SLCO4C1: variants seen among roughly 807,000 people sequenced by gnomAD.
SLCO4C1 encodes the protein solute carrier organic anion transporter family member 4C1, also known as organic anion transporter M1.
A neutral mutation model predicts 72.1 loss-of-function variants in SLCO4C1; 58 were observed. The observed-to-expected ratio is 0.80, with a 90% CI of 0.65 to 1.00. SLCO4C1 has a LOEUF of 1.00. Among genes scored for constraint, SLCO4C1 ranks in the 50% least tolerant of loss-of-function variants. The pLI is 0.00. For missense variants in SLCO4C1, 898 were observed against 857.9 expected (o/e 1.05, Z -0.58); for synonymous variants, 297 against 312.5 (o/e 0.95, Z 0.52).
chr5:102,254,284 G>A (rs1748793961), intron 8 of SLCO4C1, among the ~76,000 whole-genome samples: 1 of 152,090 alleles, frequency 6.6e-6, no homozygotes, highest in South Asian at 2.1e-4. Flanking sequence ...ACAAACTGAA[G>A]GTTAGTGGCA....
intron 1 of SLCO4C1, among the ~76,000 whole-genome samples, chr5:102,295,637 C>T (rs915851638): frequency 3.3e-5 from 5 of 152,352 alleles, no homozygotes; most frequent in Non-Finnish European, 7.3e-5. Flanking sequence ...AGTCTTGAAT[C>T]CGCTAAACTG....
intron 10 of SLCO4C1, among the ~76,000 whole-genome samples, chr5:102,242,138 A>C (rs1029999753): frequency 9.2e-5 from 14 of 152,188 alleles, no homozygotes; most frequent in Non-Finnish European, 1.9e-4. Flanking sequence ...CCACAGAGGG[A>C]GTATTTAAAC....
chr5:102,285,765 T>TA (rs551637410), intron 2 of SLCO4C1, among the ~76,000 whole-genome samples: 233 of 152,220 alleles, frequency 1.5e-3, no homozygotes, highest in African/African-American at 5.4e-3. Flanking sequence ...GCTTCTAATC[T>TA]AAAAAAATCA....
In SLCO4C1 at chr5:102,236,681, G is replaced by A. The variant is rs1748441115; in HGVS notation, c.*177C>T. 1.7e-6 allele frequency: 1 copy of A among 595,362 alleles called. No individual in the cohort carries two copies. Among genetic ancestry groups the A allele is most frequent in the Non-Finnish European group, 2.8e-6 (1 of 361,856 alleles). 36.9% of individuals were successfully genotyped at this position (595,362 alleles called of 1,614,324 possible). ...CTTTACGTGGGCTTTGAAGGCACAG[G>A]TCTGTTTCTTGCATAAAACAAAAAC... On this transcript the variant is annotated 3_prime_UTR_variant, in exon 13 of 13. Coordinates refer to ENST00000310954, the MANE Select transcript of SLCO4C1 (RefSeq NM_180991.5).
At chr5:102,289,429 CAT>C (rs1406207650) in intron 2 of SLCO4C1, among the ~76,000 whole-genome samples, 1 of 152,146 alleles carries the variant, frequency 6.6e-6, no homozygotes, top group Non-Finnish European at 1.5e-5. Context: ...TTTAGAGAGT[CAT>C]AGATTTTCGA....
In SLCO4C1 at chr5:102,272,783, C is replaced by CT. The variant is rs398109230; in HGVS notation, c.620-1978_620-1977insA. ...CTAGCATTGCCAACATGGTAAAACCCGTCTCTACTGAAAATACAAAAATTA... is the reference window on the plus strand; with the variant it reads ...CTAGCATTGCCAACATGGTAAAACCCTGTCTCTACTGAAAATACAAAAATTA... On this transcript the variant is annotated intron_variant, in intron 2 of 12. Coordinates refer to ENST00000310954, the MANE Select transcript of SLCO4C1 (RefSeq NM_180991.5). 4.0e-5 allele frequency among the ~76,000 whole-genome samples: 6 copies of CT among 151,364 alleles called. No homozygotes were observed. The East Asian group carries it at 9.8e-4, about 25-fold the overall frequency.
At chr5:102,290,216 G>A (rs1203557552) in intron 2 of SLCO4C1, among the ~76,000 whole-genome samples, 1 of 152,100 alleles carries the variant, frequency 6.6e-6, no homozygotes, top group Non-Finnish European at 1.5e-5. Flanking sequence ...TACAGGGGAG[G>A]GGCCAGAATC....
intron 2 of SLCO4C1, among the ~76,000 whole-genome samples, chr5:102,281,897 C>T (rs1045081111): frequency 6.6e-6 from 1 of 152,076 alleles, no homozygotes; most frequent in African/African-American, 2.4e-5. Context: ...AGCAGTTTTA[C>T]TCCTGGGCAT....
chr5:102,263,766 T>G lies in SLCO4C1; in HGVS notation c.817A>C (p.Met273Leu), dbSNP rs756462925. Residue 273 changes from methionine to leucine, a missense_variant, in exon 4 of 13, where the codon ATG becomes CTG. Physicochemically the swap from Met to Leu is conservative, Grantham distance 15. Transcript: ENST00000310954. The stretch of plus-strand genomic sequence containing the variant: ...CCAATAGCAGGGCCTAAGATTGACA[T>G]AGCATAACCGGTTCCTAGAAGAAGA... ...SSLYIGTGYA[M>L]SILGPAIGYV... The G allele has an allele frequency of 6.2e-7, 1 of 1,612,276 alleles. No homozygotes were observed. The highest frequency in any genetic ancestry group is 1.1e-5 in the South Asian group (1 of 90,994).
chr5:102,248,684 G>A (rs1748680378), intron 9 of SLCO4C1, among the ~76,000 whole-genome samples: 1 of 151,980 alleles, frequency 6.6e-6, no homozygotes, highest in Non-Finnish European at 1.5e-5. Flanking sequence ...ATTCAAAATT[G>A]TCATATAACT....
In SLCO4C1 at chr5:102,272,682, G is replaced by A. The variant is rs74293705; in HGVS notation, c.620-1876C>T. ...TCATAGAAATGTGTTGAGGCAGGGCGTGATGGCTTACACCTATAATTCCAG... is the reference window on the plus strand; with the variant it reads ...TCATAGAAATGTGTTGAGGCAGGGCATGATGGCTTACACCTATAATTCCAG... On this transcript the variant is annotated intron_variant, in intron 2 of 12. Coordinates refer to ENST00000310954, the MANE Select transcript of SLCO4C1 (RefSeq NM_180991.5). Among the ~76,000 whole-genome samples the A allele has an allele frequency of 1.0e-3, 154 of 152,270 alleles. No individual in the cohort carries two copies. In the East Asian group the frequency reaches 0.024, roughly 24 times the overall value.
Position 102,291,404 on chromosome 5 carries a change from T to G in SLCO4C1, c.558A>C (p.Ala186=), listed in dbSNP as rs941679840. ...AFAAFMIGLG[A]LVFSLPQFFS... is the part of the protein sequence containing the mutation. Reference sequence around the variant, plus strand: ...AAAATTGTGGCAATGAGAATACAAGTGCTCCCAGTCCAATCATAAAGGCTG... The same window carrying G: ...AAAATTGTGGCAATGAGAATACAAGGGCTCCCAGTCCAATCATAAAGGCTG... Residue 186 remains alanine, a synonymous_variant, in exon 2 of 13, where the codon GCA becomes GCC. Transcript: ENST00000310954. 20 of 1,614,044 alleles carry G rather than the reference T, an allele frequency of 1.2e-5. No individual in the cohort carries two copies. The Admixed American group carries it at 3.3e-4, about 27-fold the overall frequency.
chr5:102,251,825 G>T (rs1450169966), intron 8 of SLCO4C1, among the ~76,000 whole-genome samples: 1 of 152,086 alleles, frequency 6.6e-6, no homozygotes, highest in African/African-American at 2.4e-5. Context: ...AATGAGAAGG[G>T]TACTGAAGTC....
intron 5 of SLCO4C1, 140 bp downstream of exon 5, chr5:102,261,772 T>C: frequency 1.3e-6 from 1 of 799,598 alleles, no homozygotes; most frequent in South Asian, 3.6e-5. Context: ...ATGAAGAATA[T>C]TCAAAAGTTT....
chr5:102,287,348 C>T (rs988791139), intron 2 of SLCO4C1, among the ~76,000 whole-genome samples: 1 of 151,936 alleles, frequency 6.6e-6, no homozygotes, highest in Non-Finnish European at 1.5e-5. Flanking sequence ...GCTTGAAATT[C>T]ATAAAAAATA....
intron 3 of SLCO4C1, among the ~76,000 whole-genome samples, chr5:102,264,424 G>A (rs1358318359): frequency 6.6e-6 from 1 of 151,872 alleles, no homozygotes; most frequent in Admixed American, 6.6e-5. Flanking sequence ...TGTTGTTGCT[G>A]TTTATTTAAG....
intron 3 of SLCO4C1, among the ~76,000 whole-genome samples, chr5:102,265,567 A>G (rs2112367678): frequency 6.6e-6 from 1 of 152,208 alleles, no homozygotes; most frequent in African/African-American, 2.4e-5. Context: ...ACCATTTATT[A>G]AAGAGTCCCC....
At chr5:102,237,048 T>C in intron 12 of SLCO4C1, 30 bp from the exon 13 acceptor site, 1 of 1,541,306 alleles carries the variant, frequency 6.5e-7, no homozygotes, top group Non-Finnish European at 8.7e-7. Context: ...AATCATGTGC[T>C]TTTGTTTTTA....
chr5:102,253,874 C>G (rs549598087), intron 8 of SLCO4C1, among the ~76,000 whole-genome samples: 3 of 151,590 alleles, frequency 2.0e-5, no homozygotes, highest in Non-Finnish European at 4.4e-5. Flanking sequence ...ATCAATCATA[C>G]CCCAAACCTC....
Sources: gnomAD v4.1 joint callset for allele counts (sites outside exome capture counted in the v4.1 genomes callset) on GRCh38, gnomAD v4.1.1 for gene constraint, MANE v1.5 for transcripts, NCBI Gene and HGNC (gene_info 2026-07-23, HGNC 2026-07-21) for gene names.